The following ADAM22 variants were observed in gnomAD, a reference collection of about 807,000 sequenced individuals.
ADAM22 encodes the protein ADAM metallopeptidase domain 22.
ADAM22 carries 65 observed loss-of-function variants against 144.6 expected under a neutral mutation model. The ratio of observed to expected loss-of-function variants is 0.45; its 90% CI spans 0.37 to 0.55. The LOEUF (loss-of-function observed/expected upper bound fraction) is 0.55, where lower values mean the gene tolerates loss of function less well. Ranked by LOEUF, ADAM22 falls within the 20% of genes least tolerant of loss-of-function variation. ADAM22 has a pLI of 0.00. For missense variants in ADAM22, 974 were observed against 1,184.9 expected, an observed-to-expected ratio of 0.82 and a Z score of 2.61; for synonymous variants, 391 against 412.6, an observed-to-expected ratio of 0.95 and a Z score of 0.63.
chr7:88,121,721 G>A (rs1008640838), intron 7 of ADAM22, among the ~76,000 whole-genome samples: 1 of 152,136 alleles, frequency 6.6e-6, no homozygotes, highest in African/African-American at 2.4e-5. Context: ...AGAGAAGAGA[G>A]AATGAGACAG....
chr7:88,012,119 G>A (rs116098906), intron 3 of ADAM22, among the ~76,000 whole-genome samples: 1 of 149,098 alleles, frequency 6.7e-6, no homozygotes. Flanking sequence ...TTCCTCAGTT[G>A]TGTCCAGTCT....
chr7:87,982,340 G>A (rs1390385921), intron 3 of ADAM22, among the ~76,000 whole-genome samples: 2 of 151,798 alleles, frequency 1.3e-5, no homozygotes, highest in Non-Finnish European at 2.9e-5. Flanking sequence ...TTGGTTGTCC[G>A]GGACAGGCCA....
At chr7:88,039,464 A>AAAAAAAAAATATATATATATATAT in intron 3 of ADAM22, among the ~76,000 whole-genome samples, 1 of 76,376 alleles carries the variant, frequency 1.3e-5, no homozygotes, top group African/African-American at 4.7e-5. Context: ...AAAAAAAAAA[A>AAAAAAAAAATATATATATATATAT]ATATATATAT....
intron 5 of ADAM22, among the ~76,000 whole-genome samples, chr7:88,110,417 T>G (rs146758941): frequency 1.3e-4 from 20 of 152,238 alleles, no homozygotes; most frequent in African/African-American, 4.3e-4. Flanking sequence ...CAGTACTCGT[T>G]CCAGTCTGCC....
chr7:88,053,750 A>G (rs999312307), intron 3 of ADAM22, among the ~76,000 whole-genome samples: 8 of 152,210 alleles, frequency 5.3e-5, no homozygotes, highest in African/African-American at 1.9e-4. Flanking sequence ...GCTACATAGT[A>G]TATACCATTT....
intron 4 of ADAM22, among the ~76,000 whole-genome samples, chr7:88,106,544 G>T (rs1824440151): frequency 6.6e-6 from 1 of 152,154 alleles, no homozygotes; most frequent in Non-Finnish European, 1.5e-5. Context: ...TGTGAAGTAG[G>T]TAACATTTGC....
intron 2 of ADAM22, among the ~76,000 whole-genome samples, chr7:87,949,573 T>C (rs986636625): frequency 2.6e-5 from 4 of 152,198 alleles, no homozygotes; most frequent in African/African-American, 9.6e-5. Context: ...TCTGAGAGAG[T>C]GACATCTACT....
At chr7:88,001,959 A>C (rs1792669923) in intron 3 of ADAM22, among the ~76,000 whole-genome samples, 1 of 151,850 alleles carries the variant, frequency 6.6e-6, no homozygotes, top group Admixed American at 6.6e-5. Context: ...ATCTCTCTGG[A>C]GGTCAGGGTT....
intron 3 of ADAM22, among the ~76,000 whole-genome samples, chr7:88,054,896 A>C (rs923891748): frequency 1.3e-5 from 2 of 152,166 alleles, no homozygotes; most frequent in African/African-American, 4.8e-5. Flanking sequence ...GTAGACTTTT[A>C]AATTTTAATG....
At chr7:87,996,550 T>C (rs1791279370) in intron 3 of ADAM22, among the ~76,000 whole-genome samples, 1 of 152,168 alleles carries the variant, frequency 6.6e-6, no homozygotes, top group African/African-American at 2.4e-5. Context: ...GATTTCCACA[T>C]CTGAATTTGA....
chr7:88,113,612 A>G (rs1446094326), intron 5 of ADAM22, among the ~76,000 whole-genome samples: 1 of 140,938 alleles, frequency 7.1e-6, no homozygotes, highest in Non-Finnish European at 1.5e-5. Context: ...TCACCTGATT[A>G]TTTTCTTCCC....
chr7:88,000,461 A>G (rs1792277326), intron 3 of ADAM22, among the ~76,000 whole-genome samples: 2 of 152,210 alleles, frequency 1.3e-5, no homozygotes, highest in Non-Finnish European at 2.9e-5. Context: ...AGTGGATTAA[A>G]AAAACTGGAA....
rs1373458944 is a variant in ADAM22, at chr7:88,128,631, A to G, written c.708A>G (p.Glu236=). Residue 236 remains glutamate, a synonymous_variant, in exon 9 of 32, where the codon GAA becomes GAG. Coordinates refer to ENST00000413139, the MANE Select transcript of ADAM22 (RefSeq NM_001324418.2). Reference sequence around the variant, plus strand: ...GTCGATATCCTCGTAATGTAGAAGAAGAAACCAAATACATTGAACTGATGA... The same window carrying G: ...GTCGATATCCTCGTAATGTAGAAGAGGAAACCAAATACATTGAACTGATGA... The part of the protein sequence containing the change: ...QLRRYPRNVE[E]ETKYIELMIV... The G allele has an allele frequency of 6.2e-7, 1 of 1,612,090 alleles. No individual in the cohort carries two copies. The highest frequency in any genetic ancestry group is 1.3e-5 in the African/African-American group (1 of 74,836).
At chr7:88,002,240 G>A (rs1792740173) in intron 3 of ADAM22, among the ~76,000 whole-genome samples, 1 of 152,182 alleles carries the variant, frequency 6.6e-6, no homozygotes, top group South Asian at 2.1e-4. Context: ...TGTCTGGCTA[G>A]GATACCTTCA....
chr7:88,038,905 C>A (rs1007744211), intron 3 of ADAM22, among the ~76,000 whole-genome samples: 1 of 151,652 alleles, frequency 6.6e-6, no homozygotes, highest in African/African-American at 2.4e-5. Flanking sequence ...CTCAGCCTCT[C>A]GAGTAGCTGG....
intron 3 of ADAM22, among the ~76,000 whole-genome samples, chr7:88,075,174 T>G (rs987622885): frequency 7.2e-5 from 11 of 152,240 alleles, no homozygotes; most frequent in African/African-American, 2.4e-4. Context: ...TTCTTTTAAC[T>G]TTCTTTGCCT....
chr7:88,034,812 G>T (rs145000611), intron 3 of ADAM22, among the ~76,000 whole-genome samples: 2 of 152,078 alleles, frequency 1.3e-5, no homozygotes, highest in Non-Finnish European at 2.9e-5. Flanking sequence ...GAATTCCAAC[G>T]CAAAGTCCCA....
chr7:87,975,516 C>G (rs939654209), intron 2 of ADAM22, among the ~76,000 whole-genome samples: 8 of 152,116 alleles, frequency 5.3e-5, no homozygotes, highest in Non-Finnish European at 1.2e-4. Context: ...ATCAATAATG[C>G]AAACATTCTT....
intron 3 of ADAM22, among the ~76,000 whole-genome samples, chr7:88,017,961 C>G (rs1398181724): frequency 1.3e-5 from 2 of 151,980 alleles, no homozygotes; most frequent in African/African-American, 4.8e-5. Flanking sequence ...TCACAAAGTA[C>G]CACATTCTTC....
Sources: gnomAD v4.1 joint callset for allele counts (sites outside exome capture counted in the v4.1 genomes callset) on GRCh38, gnomAD v4.1.1 for gene constraint, MANE v1.5 for transcripts, NCBI Gene and HGNC (gene_info 2026-07-23, HGNC 2026-07-21) for gene names.